Variants in JCAD observed in about 807,000 individuals in gnomAD.
The protein encoded by JCAD is junctional cadherin 5 associated, also known as junctional cadherin 5-associated protein.
JCAD carries 40 observed loss-of-function variants against 98.0 expected under a neutral mutation model. The observed-to-expected ratio is 0.41, with a 90% CI of 0.32 to 0.53. The LOEUF is 0.53. Among genes scored for constraint, JCAD ranks in the 20% least tolerant of loss-of-function variants. The pLI is 0.31. For synonymous variants in JCAD, 691 were observed against 682.3 expected (o/e 1.01, Z -0.20); for missense variants, 1,705 against 1,738.1 (o/e 0.98, Z 0.34).
At chr10:30,020,139 C>T (rs569117232) in intron 3 of JCAD, among the ~76,000 whole-genome samples, 9 of 151,712 alleles carry the variant, frequency 5.9e-5, no homozygotes, top group East Asian at 5.8e-4. Flanking sequence ...CCAGCCTGGC[C>T]GACATGGCGA....
intron 1 of JCAD, among the ~76,000 whole-genome samples, chr10:30,106,570 G>T (rs752072759): frequency 1.3e-5 from 2 of 152,166 alleles, no homozygotes; most frequent in Non-Finnish European, 1.5e-5. Flanking sequence ...GCACTATCTC[G>T]GCTTACCGCA....
In JCAD at chr10:30,027,177, A is replaced by ACG; in HGVS notation, c.2969_2970dup (p.Ser991ArgfsTer23). ...GGCTCCCTAGGTTCAGCTGGATAGGACGCGGGCAGTGGTTTTGCGTCACTT... is the reference window on the plus strand; with the variant it reads ...GGCTCCCTAGGTTCAGCTGGATAGGACGCGCGGGCAGTGGTTTTGCGTCACTT... On this transcript the variant is annotated frameshift_variant, in exon 3 of 4. Coordinates refer to ENST00000375377, the MANE Select transcript of JCAD (RefSeq NM_020848.4). LOFTEE classifies it high-confidence loss of function. 1 of 1,614,122 alleles carries ACG rather than the reference A, an allele frequency of 6.2e-7. No individual in the cohort carries two copies. The highest frequency in any genetic ancestry group is 8.5e-7 in the Non-Finnish European group (1 of 1,179,978).
intron 1 of JCAD, among the ~76,000 whole-genome samples, chr10:30,092,113 T>TAC (rs1564469989): frequency 9.1e-6 from 1 of 110,148 alleles, no homozygotes; most frequent in African/African-American, 4.1e-5. Flanking sequence ...TATATATATA[T>TAC]ATATATATAT....
upstream of JCAD, among the ~76,000 whole-genome samples, chr10:30,060,801 G>A (rs1004509886): frequency 1.3e-5 from 2 of 152,124 alleles, no homozygotes; most frequent in African/African-American, 4.8e-5. Flanking sequence ...GCTCAGGGAC[G>A]GGCACAGATG....
chr10:30,094,279 TA>T lies in JCAD; in HGVS notation n.128+21087del, dbSNP rs79009660. ...CAAAATGGTAAAACCCTGTCTCTACTAAAAAAAAAAAAATACAAAAATTAGC... is the reference window on the plus strand; with the variant it reads ...CAAAATGGTAAAACCCTGTCTCTACTAAAAAAAAAAAATACAAAAATTAGC... On this transcript the variant is annotated intron_variant and non_coding_transcript_variant, in intron 1 of 2. Transcript: ENST00000465712. Among the ~76,000 whole-genome samples, 233 of 143,988 alleles carry T rather than the reference TA, an allele frequency of 1.6e-3. 1 individual carries two copies. Among genetic ancestry groups the T allele is most frequent in the South Asian group, 4.3e-3 (19 of 4,454 alleles). 94.5% of individuals were successfully genotyped at this position (143,988 alleles called of 152,430 possible).
chr10:30,070,138 A>G (rs1837859644), intron 1 of JCAD, among the ~76,000 whole-genome samples: 1 of 152,202 alleles, frequency 6.6e-6, no homozygotes. Flanking sequence ...GGCCACCCAT[A>G]AACATGAAAT....
intron 2 of JCAD, among the ~76,000 whole-genome samples, chr10:30,042,872 G>C (rs993432182): frequency 6.6e-6 from 1 of 152,186 alleles, no homozygotes; most frequent in Non-Finnish European, 1.5e-5. Context: ...TCTTCAGCCT[G>C]GGGGCAAGGA....
intron 2 of JCAD, among the ~76,000 whole-genome samples, chr10:30,039,755 G>A (rs766209480): frequency 7.2e-5 from 11 of 152,162 alleles, no homozygotes; most frequent in Non-Finnish European, 1.3e-4. Flanking sequence ...AGAGTGGTGA[G>A]CAGCTGCCCT....
intron 2 of JCAD, among the ~76,000 whole-genome samples, chr10:30,038,474 A>C (rs1377832086): frequency 6.6e-6 from 1 of 151,962 alleles, no homozygotes; most frequent in Non-Finnish European, 1.5e-5. Context: ...GCTTGAGCCC[A>C]GGAGTTAGAG....
In JCAD at chr10:30,028,872, A is replaced by G; in HGVS notation, c.1276T>C (p.Phe426Leu). 1 of 1,614,198 alleles carries G rather than the reference A, an allele frequency of 6.2e-7. No individual in the cohort carries two copies. Among genetic ancestry groups the G allele is most frequent in the South Asian group, 1.1e-5 (1 of 91,088 alleles). Reference protein sequence around the residue: ...AYDGFVQYIPFDDPRLRHFKL... With the variant: ...AYDGFVQYIPLDDPRLRHFKL... ...AAATGTCGTAACCGTGGATCATCAA[A>G]GGGAATGTACTGAACGAAGCCGTCA... is the stretch of plus-strand genomic sequence containing the variant. The change falls in exon 3 of 4, where the codon TTT becomes CTT. Residue 426 changes from phenylalanine to leucine, a missense_variant. This residue lies in a region of JCAD where 1,278 missense variants were observed against 1,243.1 expected (regional missense o/e 1.03). Coordinates refer to ENST00000375377, the MANE Select transcript of JCAD (RefSeq NM_020848.4).
At chr10:30,084,650 A>G (rs1462142841) in intron 1 of JCAD, among the ~76,000 whole-genome samples, 2 of 152,096 alleles carry the variant, frequency 1.3e-5, no homozygotes, top group African/African-American at 2.4e-5. Context: ...CCAGGTCTCA[A>G]CCCTGCTGGC....
In JCAD at chr10:30,029,459, CG is replaced by C; in HGVS notation, c.688del (p.Arg230AlafsTer12). The C allele has an allele frequency of 6.2e-7, 1 of 1,613,984 alleles. No individual in the cohort carries two copies. The highest frequency in any genetic ancestry group is 1.1e-5 in the South Asian group (1 of 91,058). On this transcript the variant is annotated frameshift_variant, in exon 3 of 4. Coordinates refer to ENST00000375377, the MANE Select transcript of JCAD (RefSeq NM_020848.4). LOFTEE classifies it high-confidence loss of function. ...GGGGGAAAGAACTCTAGGCAGTGAG[CG>C]AGACTTCCCTTTGTTTTGAGAATTC... ...VLNSQNKGKS[R>X]SLPRVLSPES...
rs777938674 is a variant in JCAD at position 30,026,193 on chromosome 10, AGAGT to A, written c.3951_3954del (p.Ser1319CysfsTer58). On this transcript the variant is annotated frameshift_variant, in exon 3 of 4. Coordinates refer to ENST00000375377, the MANE Select transcript of JCAD (RefSeq NM_020848.4). LOFTEE classifies it high-confidence loss of function. ...CTGGAGATGCTGTCCTTGGACACAG[AGAGT>A]GAGTGGCCCAATCTCTGGGCACGGT... The A allele has an allele frequency of 3.7e-6, 6 of 1,614,056 alleles. No individual in the cohort carries two copies. Among genetic ancestry groups the A allele is most frequent in the African/African-American group, 2.7e-5 (2 of 74,944 alleles).
Position 30,026,717 on chromosome 10 carries a change from G to T in JCAD, c.3431C>A (p.Ala1144Asp). ...PADVPRVSTD[A>D]FYGRRKCGWT... ...GCCGCACTTCCTCCTGCCATAAAAG[G>T]CATCAGTGGACACCCTGGGGACATC... The change falls in exon 3 of 4, where the codon GCC (alanine) becomes GAC (aspartate). Residue 1144 changes from alanine to aspartate, a missense_variant. Coordinates refer to ENST00000375377, the MANE Select transcript of JCAD (RefSeq NM_020848.4). 1 of 1,614,084 alleles carries T rather than the reference G, an allele frequency of 6.2e-7. No individual in the cohort carries two copies.
At position 30,054,860 on chromosome 10, in the gene JCAD, A is replaced by G. The variant is rs988932435; in HGVS notation, c.-60+4622T>C. Among the ~76,000 whole-genome samples the G allele has an allele frequency of 5.9e-5, 9 of 151,882 alleles. No homozygotes were observed. The South Asian group carries it at 8.3e-4, about 14-fold the overall frequency. ...AATTTTTTGTATTTTTAGTAGAGAC[A>G]GGGTTTCACCGTGTTAGCCAGGATG... On this transcript the variant is annotated intron_variant, in intron 1 of 3. Transcript: ENST00000375377.
Position 30,024,853 on chromosome 10 carries a change from G to A in JCAD, c.4045+1250C>T, listed in dbSNP as rs564658972. Among the ~76,000 whole-genome samples, 529 of 151,962 alleles carry A rather than the reference G, an allele frequency of 3.5e-3. 2 individuals carry two copies. Among genetic ancestry groups the A allele is most frequent in the South Asian group, 4.6e-3 (22 of 4,812 alleles). On this transcript the variant is annotated intron_variant, in intron 3 of 3. Transcript: ENST00000375377. ...TGAGACTACAGGCGCCCGCCGCCACGCCCAGCTAATTTTTTGTATTTTCAG... is the reference window on the plus strand; with the variant it reads ...TGAGACTACAGGCGCCCGCCGCCACACCCAGCTAATTTTTTGTATTTTCAG...
intron 1 of JCAD, among the ~76,000 whole-genome samples, chr10:30,089,098 A>G (rs1589713644): frequency 3.3e-5 from 5 of 152,216 alleles, no homozygotes; most frequent in Non-Finnish European, 7.3e-5. Flanking sequence ...CTTAGGTTCT[A>G]TGGTGGCAAT....
At chr10:30,040,525 T>C (rs1837221228) in intron 2 of JCAD, among the ~76,000 whole-genome samples, 1 of 152,244 alleles carries the variant, frequency 6.6e-6, no homozygotes, top group African/African-American at 2.4e-5. Context: ...CCACTCTTGC[T>C]TTCATTTACT....
At chr10:30,038,554 G>A (rs1837169594) in intron 2 of JCAD, among the ~76,000 whole-genome samples, 1 of 151,852 alleles carries the variant, frequency 6.6e-6, no homozygotes, top group African/African-American at 2.4e-5. Flanking sequence ...GCTAGATGTG[G>A]TGGTGAGTGC....
Sources: gnomAD v4.1 joint callset for allele counts (sites outside exome capture counted in the v4.1 genomes callset) on GRCh38, gnomAD v4.1.1 for gene constraint, gnomAD v4.1.1 regional missense constraint, MANE v1.5 for transcripts, NCBI Gene and HGNC (gene_info 2026-07-23, HGNC 2026-07-21) for gene names.